TMOD3: variants seen among roughly 807,000 people sequenced by gnomAD.
TMOD3 encodes tropomodulin 3.
Under a neutral mutation model 39.2 loss-of-function variants are expected in TMOD3, and 20 were observed. The observed-to-expected ratio is 0.51, with a 90% CI of 0.36 to 0.74. The LOEUF (loss-of-function observed/expected upper bound fraction) is 0.74. Among genes scored for constraint, TMOD3 ranks in the 30% least tolerant of loss-of-function variants. The probability of loss-of-function intolerance (pLI) is 0.00; values close to 1 mark genes in which losing one functional copy is unlikely to be tolerated. For synonymous variants in TMOD3, 143 were observed against 145.8 expected (o/e 0.98, Z 0.14); for missense variants, 381 against 412.8 (o/e 0.92, Z 0.67).
chr15:51,837,044 A>G (rs772618948), intron 1 of TMOD3, among the ~76,000 whole-genome samples: 2 of 150,914 alleles, frequency 1.3e-5, no homozygotes, highest in Non-Finnish European at 2.9e-5. Context: ...AAACATGGTA[A>G]ACTAGAAGAA....
In TMOD3 at chr15:51,890,576, T is replaced by C. The variant is rs563827067; in HGVS notation, c.496+1431T>C. On this transcript the variant is annotated intron_variant, in intron 5 of 9. Transcript: ENST00000308580. ...GACAACAGTTCTATGAAATAGATAT[T>C]ATTATTTTTAATTTGCATGTGAGAA... is the stretch of plus-strand genomic sequence containing the variant. Among the ~76,000 whole-genome samples, 10 of 152,252 alleles carry C rather than the reference T, an allele frequency of 6.6e-5. No homozygotes were observed. The South Asian group carries it at 1.7e-3, about 25-fold the overall frequency.
chr15:51,908,275 A>G (rs1480780519), intron 9 of TMOD3, among the ~76,000 whole-genome samples: 3 of 152,192 alleles, frequency 2.0e-5, no homozygotes, highest in Non-Finnish European at 2.9e-5. Flanking sequence ...GTACTTTTTC[A>G]GTAAACAAAT....
intron 3 of TMOD3, among the ~76,000 whole-genome samples, chr15:51,879,856 T>TCACACACACACA (rs68117829): frequency 0.18 from 25,201 of 142,352 alleles, 2,567 homozygotes; most frequent in East Asian, 0.31. Context: ...TCTCTGTCTT[T>TCACACACACACA]CACACACACA....
intron 1 of TMOD3, among the ~76,000 whole-genome samples, chr15:51,857,459 C>G (rs2056393982): frequency 6.6e-6 from 1 of 152,146 alleles, no homozygotes; most frequent in Non-Finnish European, 1.5e-5. Context: ...TTTAGTCTCT[C>G]TGTGGAATGT....
At chr15:51,891,235 A>G (rs915321886) in intron 5 of TMOD3, among the ~76,000 whole-genome samples, 3 of 127,620 alleles carry the variant, frequency 2.4e-5, no homozygotes, top group Non-Finnish European at 3.3e-5. Flanking sequence ...CTCCTCCCCA[A>G]CCTCTTTCCT....
chr15:51,860,390 T>C, intron 1 of TMOD3: 2 of 544,664 alleles, frequency 3.7e-6, no homozygotes, highest in Non-Finnish European at 7.4e-6. Context: ...CTTTTTGAAA[T>C]TCTTGCTTTT....
chr15:51,877,405 C>T (rs1208373608), intron 3 of TMOD3, among the ~76,000 whole-genome samples: 2 of 152,080 alleles, frequency 1.3e-5, no homozygotes, highest in Non-Finnish European at 2.9e-5. Flanking sequence ...GTGGGCCAGG[C>T]ACGGTGGCTC....
At position 51,889,500 on chromosome 15, in the gene TMOD3, T is replaced by C. The variant is rs190819035; in HGVS notation, c.496+355T>C. On this transcript the variant is annotated intron_variant, in intron 5 of 9. Transcript: ENST00000308580. ...ACATTATAAAATCAGATTCAGGAGA[T>C]ACCACAAAACTATTCAGCCCCTAAA... Among the ~76,000 whole-genome samples, 31 of 152,286 alleles carry C rather than the reference T, an allele frequency of 2.0e-4. 1 individual carries two copies. In the East Asian group the frequency reaches 4.8e-3, roughly 24 times the overall value.
At chr15:51,863,636 T>A (rs1403925921) in intron 2 of TMOD3, among the ~76,000 whole-genome samples, 2 of 152,178 alleles carry the variant, frequency 1.3e-5, no homozygotes, top group Admixed American at 6.5e-5. Flanking sequence ...TTCCCTGATA[T>A]GTTGGAGGAC....
At chr15:51,881,097 G>A (rs915408266) in intron 3 of TMOD3, among the ~76,000 whole-genome samples, 1 of 152,048 alleles carries the variant, frequency 6.6e-6, no homozygotes, top group African/African-American at 2.4e-5. Flanking sequence ...TGTTAGACTC[G>A]TGTATATTTG....
At chr15:51,876,800 A>T (rs1039708963) in intron 3 of TMOD3, among the ~76,000 whole-genome samples, 3 of 152,102 alleles carry the variant, frequency 2.0e-5, no homozygotes, top group African/African-American at 7.2e-5. Flanking sequence ...CCGTCCAGGC[A>T]TGATGGCTCA....
intron 3 of TMOD3, among the ~76,000 whole-genome samples, chr15:51,873,128 C>T (rs74013608): frequency 2.1e-4 from 32 of 152,298 alleles, no homozygotes; most frequent in African/African-American, 6.7e-4. Context: ...TCCTTAGTCA[C>T]GAATATGCCT....
intron 5 of TMOD3, among the ~76,000 whole-genome samples, chr15:51,889,352 A>C (rs2554310): frequency 0.051 from 7,799 of 152,074 alleles, 473 homozygotes; most frequent in African/African-American, 0.13. Context: ...TGTAATAAGA[A>C]CCACTCTACC....
intron 1 of TMOD3, among the ~76,000 whole-genome samples, chr15:51,849,643 T>A (rs1262891882): frequency 6.6e-6 from 1 of 152,064 alleles, no homozygotes; most frequent in Non-Finnish European, 1.5e-5. Context: ...AATAGGTCTC[T>A]TAAGATGTGG....
At chr15:51,900,477 G>A (rs1285794369) in intron 8 of TMOD3, among the ~76,000 whole-genome samples, 179 bp downstream of exon 8, 2 of 152,136 alleles carry the variant, frequency 1.3e-5, no homozygotes, top group African/African-American at 4.8e-5. Flanking sequence ...ATATAACAGT[G>A]TATACAATGT....
At chr15:51,858,087 T>C (rs2056397288) in intron 1 of TMOD3, 1 of 152,168 alleles carries the variant, frequency 6.6e-6, no homozygotes, top group South Asian at 2.1e-4. Context: ...GGATCTCACC[T>C]TGTTGCCCAG....
At chr15:51,872,049 A>C (rs2056477488) in intron 3 of TMOD3, among the ~76,000 whole-genome samples, 1 of 152,176 alleles carries the variant, frequency 6.6e-6, no homozygotes, top group Admixed American at 6.5e-5. Context: ...ATCTGTATGT[A>C]GCTCAGTGAA....
intron 1 of TMOD3, among the ~76,000 whole-genome samples, chr15:51,832,203 TTA>T (rs3985812): frequency 0.019 from 1,487 of 79,248 alleles, 100 homozygotes; most frequent in East Asian, 0.063. Context: ...AGAAAAAAAA[TTA>T]TATATATATA....
intron 9 of TMOD3, among the ~76,000 whole-genome samples, chr15:51,903,347 G>A (rs889280463): frequency 6.6e-6 from 1 of 152,194 alleles, no homozygotes; most frequent in African/African-American, 2.4e-5. Flanking sequence ...TGCCATTGAA[G>A]TATTTTTAAA....
Sources: gnomAD v4.1 joint callset for allele counts (sites outside exome capture counted in the v4.1 genomes callset) on GRCh38, gnomAD v4.1.1 for gene constraint, MANE v1.5 for transcripts, NCBI Gene and HGNC (gene_info 2026-07-23, HGNC 2026-07-21) for gene names.